RGS22: variants seen among roughly 807,000 people sequenced by gnomAD.
RGS22 encodes regulator of G protein signaling 22.
A neutral mutation model predicts 172.9 loss-of-function variants in RGS22; 148 were observed. The observed-to-expected ratio is 0.86, with a 90% CI of 0.75 to 0.98. The LOEUF (loss-of-function observed/expected upper bound fraction) is 0.98, where lower values mean the gene tolerates loss of function less well. Ranked by LOEUF, RGS22 falls within the 50% of genes least tolerant of loss-of-function variation. The probability of loss-of-function intolerance (pLI) is 0.00; values close to 1 mark genes in which losing one functional copy is unlikely to be tolerated. For synonymous variants in RGS22, 458 were observed against 480.2 expected, an observed-to-expected ratio of 0.95 and a Z score of 0.60; for missense variants, 1,347 against 1,440.8, an observed-to-expected ratio of 0.93 and a Z score of 1.05.
intron 6 of RGS22, among the ~76,000 whole-genome samples, chr8:100,071,099 A>G (rs576561574): frequency 2.0e-5 from 3 of 152,162 alleles, no homozygotes; most frequent in South Asian, 2.1e-4. Context: ...CCTGGGCTAC[A>G]TGGTAATACC....
At chr8:100,084,965 T>C (rs1812056357) in intron 3 of RGS22, among the ~76,000 whole-genome samples, 1 of 152,236 alleles carries the variant, frequency 6.6e-6, no homozygotes, top group South Asian at 2.1e-4. Context: ...AATACTAGAA[T>C]ATTATGTCTG....
intron 23 of RGS22, among the ~76,000 whole-genome samples, chr8:99,976,233 C>G (rs766568531): frequency 1.8e-4 from 27 of 152,036 alleles, no homozygotes; most frequent in Admixed American, 4.6e-4. Context: ...AATGAACATG[C>G]TTTTTATGGC....
chr8:100,051,612 T>TA, intron 10 of RGS22, among the ~76,000 whole-genome samples: 1 of 30,614 alleles, frequency 3.3e-5, no homozygotes, highest in African/African-American at 1.0e-4. Context: ...TTTATATATG[T>TA]TTATACATAT....
At chr8:100,104,096 T>C (rs1014144742) in intron 2 of RGS22, among the ~76,000 whole-genome samples, 4 of 152,030 alleles carry the variant, frequency 2.6e-5, no homozygotes, top group Admixed American at 2.6e-4. Context: ...GGTGGGTGGA[T>C]TGCTTGAGCC....
Position 99,975,695 on chromosome 8 carries a change from C to CTTAT in RGS22, c.3519+2218_3519+2221dup, listed in dbSNP as rs571338031. 5.4e-3 allele frequency among the ~76,000 whole-genome samples: 818 copies of CTTAT among 150,756 alleles called. 7 individuals are homozygous for CTTAT. Among genetic ancestry groups the CTTAT allele is most frequent in the African/African-American group, 0.017 (718 of 41,204 alleles). On this transcript the variant is annotated intron_variant, in intron 23 of 27. Transcript: ENST00000360863. ...CATCTTTGTGCATGTTTATGATTCT[C>CTTAT]TTATTTATTTATTTATTTATTTTAA...
At chr8:99,989,824 G>A (rs1164032002) in intron 20 of RGS22, among the ~76,000 whole-genome samples, 4 of 152,022 alleles carry the variant, frequency 2.6e-5, no homozygotes, top group Non-Finnish European at 5.9e-5. Flanking sequence ...CAGCCTGAGC[G>A]ACAGAGCGAG....
At chr8:99,995,018 C>G (rs558262139) in intron 20 of RGS22, among the ~76,000 whole-genome samples, 114 of 152,026 alleles carry the variant, frequency 7.5e-4, no homozygotes, top group African/African-American at 2.5e-3. Context: ...AATGGGGAAA[C>G]GATTCCCTAT....
At chr8:100,078,259 A>G (rs2199334) in intron 4 of RGS22, among the ~76,000 whole-genome samples, 59,973 of 151,398 alleles carry the variant, frequency 0.4, 12,290 homozygotes, top group East Asian at 0.55. Context: ...TATTTTTAGA[A>G]ATGAGGCCTC....
At position 100,028,236 on chromosome 8, in the gene RGS22, G is replaced by A. The variant is rs188715678; in HGVS notation, c.2166+10695C>T. On this transcript the variant is annotated intron_variant, in intron 14 of 27. Coordinates refer to ENST00000360863, the MANE Select transcript of RGS22 (RefSeq NM_015668.5). ...ACATTTCTTAACCATGGTCCCTGGT[G>A]ATGTCCCTTACCATCTCGGCCATGC... Among the ~76,000 whole-genome samples, 5 of 152,184 alleles carry A rather than the reference G, an allele frequency of 3.3e-5. No homozygotes were observed. The East Asian group carries it at 9.7e-4, about 29-fold the overall frequency.
intron 3 of RGS22, 154 bp from the exon 4 acceptor site, chr8:100,080,509 T>C (rs1586232354): frequency 1.6e-6 from 1 of 630,668 alleles, no homozygotes; most frequent in Non-Finnish European, 2.7e-6. Context: ...AGGAAATCCC[T>C]TGGGTAGAGG....
chr8:100,005,681 AC>A, intron 16 of RGS22, among the ~76,000 whole-genome samples: 1 of 152,326 alleles, frequency 6.6e-6, no homozygotes, highest in Non-Finnish European at 1.5e-5. Flanking sequence ...TAACCTGACA[AC>A]AAATAGAAAG....
At chr8:100,087,539 G>A (rs11997226) in intron 3 of RGS22, among the ~76,000 whole-genome samples, 20 of 150,156 alleles carry the variant, frequency 1.3e-4, no homozygotes, top group Admixed American at 1.3e-3. Context: ...AATTAGTGAC[G>A]TACTTAAACT....
chr8:100,058,022 A>G (rs1009034717), intron 9 of RGS22, among the ~76,000 whole-genome samples: 9 of 152,366 alleles, frequency 5.9e-5, no homozygotes, highest in East Asian at 5.8e-4. Context: ...AAGATATTAA[A>G]ATTGTTAAAC....
intron 23 of RGS22, among the ~76,000 whole-genome samples, chr8:99,967,854 G>C (rs1285405135): frequency 6.6e-6 from 1 of 152,162 alleles, no homozygotes; most frequent in Non-Finnish European, 1.5e-5. Flanking sequence ...GAGAGCAAAA[G>C]ATCTCCCAGC....
At chr8:100,089,207 CACAA>C (rs912933665) in intron 3 of RGS22, among the ~76,000 whole-genome samples, 5 of 148,852 alleles carry the variant, frequency 3.4e-5, no homozygotes, top group African/African-American at 7.8e-5. Context: ...TACACACACA[CACAA>C]ACACACACAC....
chr8:100,088,273 C>T lies in RGS22; in HGVS notation c.117+5174G>A, dbSNP rs144595804. Among the ~76,000 whole-genome samples the T allele has an allele frequency of 3.4e-3, 516 of 152,210 alleles. 3 individuals carry two copies. Among genetic ancestry groups the T allele is most frequent in the African/African-American group, 0.012 (491 of 41,546 alleles). On this transcript the variant is annotated intron_variant, in intron 3 of 27. Transcript: ENST00000360863. The stretch of plus-strand genomic sequence containing the variant: ...ATGGTCTGGCAAACACATGACATAC[C>T]TATCCTTGCGAGGAGGGTATAGAAC...
intron 20 of RGS22, among the ~76,000 whole-genome samples, chr8:99,990,417 C>G (rs756680993): frequency 2.0e-5 from 3 of 152,186 alleles, no homozygotes; most frequent in African/African-American, 4.8e-5. Context: ...CAGCTTTATT[C>G]ACCCTTTAAG....
chr8:100,063,264 A>G lies in RGS22; in HGVS notation c.1352+152T>C, dbSNP rs1810284723. Reference sequence around the variant, plus strand: ...AAAACTAGTGTGATCAATATTTACTATTATAATAAGTTTTATTATCATTCA... The same window carrying G: ...AAAACTAGTGTGATCAATATTTACTGTTATAATAAGTTTTATTATCATTCA... On this transcript the variant is annotated intron_variant, in intron 8 of 27. Coordinates refer to ENST00000360863, the MANE Select transcript of RGS22 (RefSeq NM_015668.5). 1.2e-5 allele frequency: 6 copies of G among 520,544 alleles called. No individual in the cohort carries two copies. The South Asian group carries it at 2.0e-4, about 17-fold the overall frequency. The allele number at this position is 520,544 out of a possible 1,614,324, so 32.2% of individuals were successfully genotyped here.
At chr8:100,011,487 A>G (rs370868074) in intron 14 of RGS22, among the ~76,000 whole-genome samples, 2 of 152,290 alleles carry the variant, frequency 1.3e-5, no homozygotes, top group East Asian at 3.9e-4. Context: ...CCTCTGCTCA[A>G]ACTCTCTAGC....
Sources: gnomAD v4.1 joint callset for allele counts (sites outside exome capture counted in the v4.1 genomes callset) on GRCh38, gnomAD v4.1.1 for gene constraint, MANE v1.5 for transcripts, NCBI Gene and HGNC (gene_info 2026-07-23, HGNC 2026-07-21) for gene names.